Variants in ZDHHC5 observed in about 807,000 individuals in gnomAD.
ZDHHC5 encodes the protein palmitoyltransferase ZDHHC5.
ZDHHC5 carries 22 observed loss-of-function variants against 70.0 expected under a neutral mutation model. The observed-to-expected ratio is 0.31, with a 90% CI of 0.22 to 0.45. The LOEUF (loss-of-function observed/expected upper bound fraction) is 0.45, where lower values mean the gene tolerates loss of function less well. ZDHHC5 is among the 20% of genes least tolerant of loss of function. The pLI, the probability that ZDHHC5 is intolerant of heterozygous loss-of-function variation, is 1.00. For synonymous variants in ZDHHC5, 313 were observed against 347.8 expected (o/e 0.90, Z 1.11); for missense variants, 746 against 926.9 (o/e 0.80, Z 2.53).
At chr11:57,699,653 T>C (rs1445735115) in intron 11 of ZDHHC5, among the ~76,000 whole-genome samples, 1 of 152,210 alleles carries the variant, frequency 6.6e-6, no homozygotes, top group East Asian at 1.9e-4. Context: ...TGGGAGTAAG[T>C]ACATGTGATA....
chr11:57,689,317 G>C (rs1206942688), intron 4 of ZDHHC5, among the ~76,000 whole-genome samples: 1 of 151,988 alleles, frequency 6.6e-6, no homozygotes. Flanking sequence ...GTCACTTTTA[G>C]AGTTCCTTGG....
chr11:57,688,689 A>G (rs766229725), intron 4 of ZDHHC5, 24 bp downstream of exon 4: 6 of 1,562,072 alleles, frequency 3.8e-6, no homozygotes, highest in Admixed American at 1.9e-5. Context: ...GTGGGGTAAG[A>G]CTTCATGCTT....
chr11:57,685,537 T>G (rs1946198397), intron 3 of ZDHHC5, among the ~76,000 whole-genome samples: 1 of 151,990 alleles, frequency 6.6e-6, no homozygotes, highest in African/African-American at 2.4e-5. Flanking sequence ...TAACCCCAGC[T>G]CCTTGGAAGG....
rs1335339199 is a variant in ZDHHC5 at position 57,672,483 on chromosome 11, G to A, written c.-608G>A. 5.4e-6 allele frequency: 2 copies of A among 368,810 alleles called. No individual in the cohort carries two copies. Among genetic ancestry groups the A allele is most frequent in the African/African-American group, 4.2e-5 (2 of 48,006 alleles). 22.8% of individuals were successfully genotyped at this position (368,810 alleles called of 1,614,324 possible). ...GTGGCATTGAGAAGACTACCTAAAA[G>A]AGACAAAGACTGCAGTAAACAAAGC... is the stretch of plus-strand genomic sequence containing the variant. On this transcript the variant is annotated 5_prime_UTR_variant, in exon 2 of 12. Transcript: ENST00000287169.
In ZDHHC5 at chr11:57,700,301, T is replaced by C. The variant is rs531302092; in HGVS notation, c.*270T>C. ...CCAGACTCAGTGGACATTTGTGCAA[T>C]TGCTCGCCCTGGAGGGAACCAGATC... On this transcript the variant is annotated 3_prime_UTR_variant, in exon 12 of 12. Coordinates refer to ENST00000287169, the MANE Select transcript of ZDHHC5 (RefSeq NM_015457.3). 1.9e-5 allele frequency: 6 copies of C among 321,970 alleles called. No individual in the cohort carries two copies. In the Admixed American group the frequency reaches 2.2e-4, roughly 12 times the overall value. 19.9% of individuals were successfully genotyped at this position (321,970 alleles called of 1,614,324 possible).
At chr11:57,675,286 C>T (rs1946057325) in intron 2 of ZDHHC5, among the ~76,000 whole-genome samples, 1 of 152,160 alleles carries the variant, frequency 6.6e-6, no homozygotes. Flanking sequence ...CTTTCAAGCT[C>T]CCTCTTCTTG....
intron 11 of ZDHHC5, 22 bp downstream of exon 11, chr11:57,699,440 ACCCTTAG>A: frequency 6.6e-7 from 1 of 1,524,704 alleles, no homozygotes; most frequent in South Asian, 1.3e-5. Flanking sequence ...TACTATCCTG[ACCCTTAG>A]CCAATTTCAA....
At chr11:57,673,592 A>G (rs915622323) in intron 2 of ZDHHC5, among the ~76,000 whole-genome samples, 2 of 152,106 alleles carry the variant, frequency 1.3e-5, no homozygotes, top group Admixed American at 6.5e-5. Flanking sequence ...TTTTGGAGGC[A>G]GCGTCTCTTG....
intron 2 of ZDHHC5, among the ~76,000 whole-genome samples, chr11:57,679,450 C>G (rs1400492191): frequency 1.3e-5 from 2 of 152,154 alleles, no homozygotes; most frequent in Non-Finnish European, 2.9e-5. Flanking sequence ...GCGTGAGCCA[C>G]CATACCTGGC....
chr11:57,699,296 G>C lies in ZDHHC5; in HGVS notation c.1860G>C (p.Gly620=), dbSNP rs757575688. 6.2e-7 allele frequency: 1 copy of C among 1,614,234 alleles called. No individual in the cohort carries two copies. The highest frequency in any genetic ancestry group is 1.1e-5 in the South Asian group (1 of 91,084). Reference sequence around the variant, plus strand: ...ATGGGCTAAGGGGCCGGGGAGTAGGGTCCCCTGAACCAGGCCCAACAGCCC... The same window carrying C: ...ATGGGCTAAGGGGCCGGGGAGTAGGCTCCCCTGAACCAGGCCCAACAGCCC... The part of the protein sequence containing the change: ...KPDGLRGRGV[G]SPEPGPTAPY... Residue 620 remains glycine (G), a synonymous_variant, in exon 11 of 12, where the codon GGG becomes GGC. Coordinates refer to ENST00000287169, the MANE Select transcript of ZDHHC5 (RefSeq NM_015457.3).
At position 57,696,441 on chromosome 11, in the gene ZDHHC5, C is replaced by T. The variant is rs548256817; in HGVS notation, c.1010-320C>T. On this transcript the variant is annotated intron_variant, in intron 9 of 11. Transcript: ENST00000287169. ...TAAAGTGAACAACTCATAGACTAGA[C>T]GCAGTGGCTCACACCTGTGATCCCA... Among the ~76,000 whole-genome samples the T allele has an allele frequency of 2.6e-3, 403 of 152,280 alleles. 1 individual carries two copies. The highest frequency in any genetic ancestry group is 3.3e-3 in the Non-Finnish European group (223 of 68,016).
chr11:57,670,075 G>C (rs1010485422), intron 1 of ZDHHC5, among the ~76,000 whole-genome samples: 1 of 152,070 alleles, frequency 6.6e-6, no homozygotes, highest in Admixed American at 6.6e-5. Context: ...GAAAATATAT[G>C]AAACAATATA....
At chr11:57,692,574 C>T (rs1429130831) in intron 6 of ZDHHC5, 37 bp from the exon 7 acceptor site, 1 of 1,597,428 alleles carries the variant, frequency 6.3e-7, no homozygotes, top group East Asian at 2.2e-5. Context: ...AAGTCAAGGT[C>T]TCATCTTCTA....
At position 57,698,862 on chromosome 11, in the gene ZDHHC5, C is replaced by T. The variant is rs1227671368; in HGVS notation, c.1426C>T (p.Pro476Ser). 1.2e-6 allele frequency: 2 copies of T among 1,614,198 alleles called. No homozygotes were observed. The highest frequency in any genetic ancestry group is 1.7e-6 in the Non-Finnish European group (2 of 1,180,040). The change falls in exon 11 of 12, where the codon CCT becomes TCT. Residue 476 changes from proline (P) to serine (S), a missense_variant. By Grantham distance (74) the Pro-to-Ser change is moderately conservative (BLOSUM62 -1). Transcript: ENST00000287169. ...CCTATCTTATGACAGCTTGCTCACA[C>T]CTTCAGACAGCCCTGATTTTGAGTC... Reference protein sequence around the residue: ...GSLSYDSLLTPSDSPDFESVQ... With the variant: ...GSLSYDSLLTSSDSPDFESVQ...
Position 57,672,023 on chromosome 11 carries a change from G to A in ZDHHC5, c.-1068G>A, listed in dbSNP as rs550352618. ...TAAAGATACTTGTTTTTCTCCAGGTGAGACACAGTAACCTGGTTGAACTCT... is the reference window on the plus strand; with the variant it reads ...TAAAGATACTTGTTTTTCTCCAGGTAAGACACAGTAACCTGGTTGAACTCT... On this transcript the variant is annotated splice_region_variant and 5_prime_UTR_variant, in exon 2 of 12. Transcript: ENST00000287169. 118 of 387,078 alleles carry A rather than the reference G, an allele frequency of 3.0e-4. No individual in the cohort carries two copies. Among genetic ancestry groups the A allele is most frequent in the African/African-American group, 2.3e-3 (112 of 48,518 alleles). The allele number at this position is 387,078 out of a possible 1,614,324, so 24.0% of individuals were successfully genotyped here. A position where few individuals can be genotyped will look rare whatever the true frequency, so the allele number is the denominator to read the frequency against.
At chr11:57,675,441 C>G (rs1946059587) in intron 2 of ZDHHC5, among the ~76,000 whole-genome samples, 1 of 152,232 alleles carries the variant, frequency 6.6e-6, no homozygotes, top group East Asian at 1.9e-4. Flanking sequence ...AACCTACTTT[C>G]TCATTCCCTG....
chr11:57,673,322 C>A, intron 2 of ZDHHC5, 128 bp downstream of exon 2: 2 of 785,306 alleles, frequency 2.5e-6, no homozygotes, highest in Non-Finnish European at 2.0e-6. Context: ...ACAGGTAAAT[C>A]CAAATCCCAG....
chr11:57,701,003 C>T lies in ZDHHC5; in HGVS notation c.*972C>T, dbSNP rs2135410007. On this transcript the variant is annotated 3_prime_UTR_variant, in exon 12 of 12. Coordinates refer to ENST00000287169, the MANE Select transcript of ZDHHC5 (RefSeq NM_015457.3). ...GAGAAGGAGTGGCAGGCCTAGGCCC[C>T]TCCGATTGTCCCTTGGGGGTTACCC... is the stretch of plus-strand genomic sequence containing the variant. 1 of 152,786 alleles carries T rather than the reference C, an allele frequency of 6.5e-6. No homozygotes were observed. Among genetic ancestry groups the T allele is most frequent in the East Asian group, 1.9e-4 (1 of 5,188 alleles). The allele number at this position is 152,786 out of a possible 1,614,324, so 9.5% of individuals were successfully genotyped here. A position where few individuals can be genotyped will look rare whatever the true frequency, so the allele number is the denominator to read the frequency against.
intron 2 of ZDHHC5, 127 bp downstream of exon 2, chr11:57,673,321 T>G: frequency 1.3e-6 from 1 of 792,660 alleles, no homozygotes; most frequent in South Asian, 1.7e-5. Flanking sequence ...TACAGGTAAA[T>G]CCAAATCCCA....
Sources: gnomAD v4.1 joint callset for allele counts (sites outside exome capture counted in the v4.1 genomes callset) on GRCh38, gnomAD v4.1.1 for gene constraint, MANE v1.5 for transcripts, NCBI Gene and HGNC (gene_info 2026-07-23, HGNC 2026-07-21) for gene names.